ADGRG2: variants seen among roughly 807,000 people sequenced by gnomAD.
ADGRG2 encodes G protein-coupled receptor 64.
In ADGRG2, 26 loss-of-function variants were observed where a neutral mutation model predicts 74.1. The observed-to-expected ratio is 0.35, with a 90% confidence interval of 0.26 to 0.49. ADGRG2 has a LOEUF of 0.49. Among genes scored for constraint, ADGRG2 ranks in the 20% least tolerant of loss-of-function variants. The pLI, the probability that ADGRG2 is intolerant of heterozygous loss-of-function variation, is 0.99. For missense variants in ADGRG2, 619 were observed against 763.1 expected (o/e 0.81, Z 2.22); for synonymous variants, 296 against 295.2 (o/e 1.00, Z -0.03).
At chrX:19,024,358 C>T (rs1245029834) in intron 11 of ADGRG2, among the ~76,000 whole-genome samples, 2 of 111,328 alleles carry the variant, frequency 1.8e-5, no homozygotes, top group Non-Finnish European at 3.8e-5. Flanking sequence ...TCCCACTGAC[C>T]TGGTCTGCCC....
intron 11 of ADGRG2, 36 bp downstream of exon 11, chrX:19,027,183 T>C: frequency 1.1e-6 from 1 of 910,964 alleles, no homozygotes; most frequent in South Asian, 2.0e-5. Context: ...CCATAGTTGA[T>C]GTCTGCAGTT....
At position 19,027,255 on chromosome X, in the gene ADGRG2, C is replaced by A; in HGVS notation, c.434G>T (p.Gly145Val). Residue 145 changes from glycine (G) to valine (V), a missense_variant, in exon 11 of 29, where the codon GGC (glycine) becomes GTC (valine). Physicochemically the swap from Gly to Val is moderately radical, Grantham distance 109 (BLOSUM62 -3). Transcript: ENST00000379869. The stretch of plus-strand genomic sequence containing the variant: ...TAGAGACAGGACTCCAGTTAAGGTG[C>A]CATTCGTTATATGTTGATTCTGTTA... ...TVPQNQHITN[G>V]TLTGVLSLSE... 1.7e-6 allele frequency: 2 copies of A among 1,147,976 alleles called. No homozygotes were observed. Among genetic ancestry groups the A allele is most frequent in the Non-Finnish European group, 2.4e-6 (2 of 837,656 alleles). 94.6% of individuals were successfully genotyped at this position (1,147,976 alleles called of 1,213,427 possible).
chrX:19,000,331 C>A (rs2060105438), intron 24 of ADGRG2, among the ~76,000 whole-genome samples: 1 of 111,705 alleles, frequency 9.0e-6, no homozygotes, highest in African/African-American at 3.3e-5. Flanking sequence ...AAGTGGGTGA[C>A]AAGACTAGAG....
intron 2 of ADGRG2, among the ~76,000 whole-genome samples, chrX:19,077,911 C>T (rs1459505359): frequency 8.9e-6 from 1 of 111,839 alleles, no homozygotes; most frequent in South Asian, 3.7e-4. Context: ...AGAAATAGAA[C>T]AAATCCACAA....
At chrX:19,015,612 G>A (rs1048684843) in intron 15 of ADGRG2, among the ~76,000 whole-genome samples, 12 of 112,198 alleles carry the variant, frequency 1.1e-4, no homozygotes, top group Admixed American at 5.6e-4. Context: ...CCAGCTACTC[G>A]GGAGGCTGAG....
intron 2 of ADGRG2, among the ~76,000 whole-genome samples, chrX:19,074,544 T>TTTCTTCTTTCTTCTTCTTC (rs1569126714): frequency 2.8e-5 from 2 of 71,728 alleles, no homozygotes; most frequent in African/African-American, 1.3e-4. Context: ...GCGCATTTTC[T>TTTCTTCTTTCTTCTTCTTC]TTCTTCTTCT....
rs775051915 is a variant in ADGRG2 at position 19,007,238 on chromosome X, G to A, written c.1686C>T (p.Ser562=). 5.8e-6 allele frequency: 7 copies of A among 1,208,694 alleles called. No individual in the cohort carries two copies. In the East Asian group the frequency reaches 1.2e-4, roughly 20 times the overall value. ...GACGGCACTGGCCTCTCCCCACCTGGCTCGGGTTGATGTGCTTTAATGTGA... is the reference window on the plus strand; with the variant it reads ...GACGGCACTGGCCTCTCCCCACCTGACTCGGGTTGATGTGCTTTAATGTGA... The part of the protein sequence containing the change: ...VTVTLKHINP[S]QDELTVRCVF... The change falls in exon 20 of 29, where the codon AGC becomes AGT. Residue 562 remains serine, a synonymous_variant. Transcript: ENST00000379869.
chrX:19,112,992 A>C (rs1171997722), intron 1 of ADGRG2, among the ~76,000 whole-genome samples: 93 of 106,884 alleles, frequency 8.7e-4, no homozygotes, highest in African/African-American at 3.0e-3. Context: ...AAAAACCAAA[A>C]AAAAAAAAAA....
chrX:19,009,534 C>A, intron 18 of ADGRG2, 92 bp downstream of exon 18: 2 of 816,583 alleles, frequency 2.4e-6, no homozygotes, highest in Non-Finnish European at 3.7e-6. Flanking sequence ...TCACCCCTGA[C>A]TATAAGCAGT....
intron 1 of ADGRG2, among the ~76,000 whole-genome samples, chrX:19,093,478 C>T (rs1325005807): frequency 8.9e-6 from 1 of 111,794 alleles, no homozygotes; most frequent in African/African-American, 3.2e-5. Flanking sequence ...AGAAAACGTG[C>T]TCATGGTCAT....
chrX:19,118,518 A>G (rs1053932004), intron 1 of ADGRG2, among the ~76,000 whole-genome samples: 4 of 111,616 alleles, frequency 3.6e-5, no homozygotes, highest in Non-Finnish European at 7.5e-5. Context: ...CCTGAGTAGC[A>G]AGGACTACAG....
intron 1 of ADGRG2, among the ~76,000 whole-genome samples, chrX:19,087,220 T>C (rs1289598369): frequency 8.9e-6 from 1 of 112,153 alleles, no homozygotes; most frequent in Non-Finnish European, 1.9e-5. Flanking sequence ...AGTTAAATTG[T>C]GAGATGGTTC....
At chrX:19,089,729 G>C (rs2061986331) in intron 1 of ADGRG2, among the ~76,000 whole-genome samples, 1 of 111,469 alleles carries the variant, frequency 9.0e-6, no homozygotes, top group Non-Finnish European at 1.9e-5. Context: ...GCCTGGTCAG[G>C]CATTGCTCCA....
chrX:19,009,300 C>T (rs2060301984), intron 18 of ADGRG2, among the ~76,000 whole-genome samples: 1 of 110,231 alleles, frequency 9.1e-6, no homozygotes, highest in South Asian at 3.9e-4. Flanking sequence ...GCCTCAGCCT[C>T]CTGAGTAGTT....
chrX:19,025,767 T>G (rs2060687756), intron 11 of ADGRG2, among the ~76,000 whole-genome samples: 1 of 110,126 alleles, frequency 9.1e-6, no homozygotes, highest in South Asian at 3.9e-4. Context: ...GTGGTGCACA[T>G]GCCTGTAATC....
At chrX:19,035,875 C>CT (rs1488511099) in intron 7 of ADGRG2, 67 bp downstream of exon 7, 6 of 571,122 alleles carry the variant, frequency 1.1e-5, no homozygotes, top group African/African-American at 9.3e-5. Flanking sequence ...ACCCAGTAGA[C>CT]TGCACAAGCA....
At chrX:19,091,142 C>T (rs758122073) in intron 1 of ADGRG2, among the ~76,000 whole-genome samples, 2 of 111,198 alleles carry the variant, frequency 1.8e-5, no homozygotes, top group South Asian at 3.9e-4. Flanking sequence ...CAGGACATGC[C>T]GTGGCAAGGA....
intron 3 of ADGRG2, among the ~76,000 whole-genome samples, chrX:19,054,807 A>G (rs2061382517): frequency 1.8e-5 from 2 of 111,927 alleles, no homozygotes; most frequent in Non-Finnish European, 3.8e-5. Flanking sequence ...AGATCTGGGC[A>G]GATGTGGGCA....
At position 19,010,657 on chromosome X, in the gene ADGRG2, T is replaced by A. The variant is rs1445934159; in HGVS notation, c.1221A>T (p.Arg407Ser). The change falls in exon 17 of 29, where the codon AGA (arginine) becomes AGT (serine). Residue 407 changes from arginine to serine, a missense_variant. Transcript: ENST00000379869. ...GCATGTCAGGCGGGGAATGAAGGAG[T>A]CTGCTGACTTGGTTGATCATTTCTC... ...LAGEMINQVS[R>S]LLHSPPDMLA... 1 of 1,205,909 alleles carries A rather than the reference T, an allele frequency of 8.3e-7. No individual in the cohort carries two copies. Among genetic ancestry groups the A allele is most frequent in the Admixed American group, 2.2e-5 (1 of 45,398 alleles).
Sources: allele counts gnomAD v4.1 joint callset (sites outside exome capture counted in the v4.1 genomes callset), GRCh38; gene constraint gnomAD v4.1.1; transcripts MANE v1.5; gene names NCBI Gene and HGNC (gene_info 2026-07-23, HGNC 2026-07-21).